FAF1: variants seen among roughly 807,000 people sequenced by gnomAD.
The protein encoded by FAF1 is FAS-associated factor 1.
Under a neutral mutation model 92.5 loss-of-function variants are expected in FAF1, and 25 were observed. The ratio of observed to expected loss-of-function variants is 0.27; its 90% confidence interval spans 0.20 to 0.38. The LOEUF is 0.38. Ranked by LOEUF, FAF1 falls within the 10% of genes least tolerant of loss-of-function variation. The pLI, the probability that FAF1 is intolerant of heterozygous loss-of-function variation, is 1.00. For synonymous variants in FAF1, 234 were observed against 273.2 expected (o/e 0.86, Z 1.42); for missense variants, 636 against 793.3 (o/e 0.80, Z 2.38).
At chr1:50,484,960 T>TG (rs1330089857) in intron 17 of FAF1, among the ~76,000 whole-genome samples, 36 of 58,514 alleles carry the variant, frequency 6.2e-4, no homozygotes, top group African/African-American at 2.4e-3. Context: ...TGTCGTGGGG[T>TG]GGGGGGAGGG....
intron 15 of FAF1, among the ~76,000 whole-genome samples, chr1:50,533,555 A>G (rs540158929): frequency 6.6e-6 from 1 of 152,294 alleles, no homozygotes; most frequent in East Asian, 1.9e-4. Flanking sequence ...TCTCAGTTTA[A>G]TGTAATACAG....
intron 9 of FAF1, among the ~76,000 whole-genome samples, chr1:50,595,261 T>A (rs780753385): frequency 4.0e-5 from 6 of 151,428 alleles, no homozygotes; most frequent in Non-Finnish European, 7.4e-5. Context: ...TCCATGTTGG[T>A]CAGGCTGGTC....
intron 13 of FAF1, among the ~76,000 whole-genome samples, chr1:50,551,300 C>T (rs1649300107): frequency 1.3e-5 from 2 of 152,202 alleles, no homozygotes; most frequent in South Asian, 4.2e-4. Context: ...ATATGGTACA[C>T]AGTTTAATGG....
intron 1 of FAF1, 119 bp downstream of exon 1, chr1:50,959,648 C>T: frequency 4.1e-6 from 3 of 729,464 alleles, no homozygotes; most frequent in Non-Finnish European, 6.8e-6. Flanking sequence ...CGCCACGCAC[C>T]GTATAAAAGC....
chr1:50,959,686 A>T, intron 1 of FAF1, 81 bp downstream of exon 1: 2 of 1,292,620 alleles, frequency 1.5e-6, no homozygotes, highest in Non-Finnish European at 2.2e-6. Flanking sequence ...GCAGCGTTCA[A>T]ACGCTGGGAA....
At chr1:50,754,175 C>T (rs1278397957) in intron 4 of FAF1, among the ~76,000 whole-genome samples, 1 of 152,060 alleles carries the variant, frequency 6.6e-6, no homozygotes, top group Non-Finnish European at 1.5e-5. Context: ...TTATTGGATG[C>T]CTGACATTGT....
In FAF1 at chr1:50,917,697, A is replaced by AGGAAG. The variant is rs774353455; in HGVS notation, c.45+42069_45+42070insCTTCC. Among the ~76,000 whole-genome samples the AGGAAG allele has an allele frequency of 8.3e-3, 1,217 of 146,048 alleles. 10 individuals are homozygous for AGGAAG. The highest frequency in any genetic ancestry group is 0.012 in the Non-Finnish European group (803 of 65,660). ...AGGAAAGGAAAGGAAAGGAAAGGAA[A>AGGAAG]GGAAAAGAAAGAAAACCAACATAGT... On this transcript the variant is annotated intron_variant, in intron 1 of 18. Transcript: ENST00000396153.
intron 5 of FAF1, among the ~76,000 whole-genome samples, chr1:50,740,395 G>T (rs1252250164): frequency 6.6e-6 from 1 of 152,112 alleles, no homozygotes. Flanking sequence ...TCTTACACAA[G>T]CATGGAACAT....
intron 15 of FAF1, among the ~76,000 whole-genome samples, chr1:50,492,965 A>G (rs1646856896): frequency 6.6e-6 from 1 of 152,184 alleles, no homozygotes; most frequent in South Asian, 2.1e-4. Context: ...GTTATACTAC[A>G]AAATATGAAA....
At chr1:50,497,986 G>C (rs1646921485) in intron 15 of FAF1, among the ~76,000 whole-genome samples, 1 of 152,172 alleles carries the variant, frequency 6.6e-6, no homozygotes, top group Non-Finnish European at 1.5e-5. Context: ...AAAGTTGAAA[G>C]AGTCACTTTT....
chr1:50,751,624 G>A (rs1032262997), intron 4 of FAF1, among the ~76,000 whole-genome samples: 4 of 152,182 alleles, frequency 2.6e-5, no homozygotes, highest in Non-Finnish European at 5.9e-5. Context: ...TTACAGGCGT[G>A]AGCCACTGCA....
chr1:50,912,524 G>T (rs973350973), intron 1 of FAF1, among the ~76,000 whole-genome samples: 1 of 152,134 alleles, frequency 6.6e-6, no homozygotes, highest in African/African-American at 2.4e-5. Flanking sequence ...TTAAAAAGAT[G>T]ATTGAATTAT....
At chr1:50,701,680 G>A (rs1657480987) in intron 7 of FAF1, among the ~76,000 whole-genome samples, 1 of 152,052 alleles carries the variant, frequency 6.6e-6, no homozygotes, top group Admixed American at 6.6e-5. Flanking sequence ...TCATTATTTA[G>A]CCCAGATTAT....
At chr1:50,942,441 T>A (rs1372911228) in intron 1 of FAF1, among the ~76,000 whole-genome samples, 1 of 151,842 alleles carries the variant, frequency 6.6e-6, no homozygotes, top group Non-Finnish European at 1.5e-5. Flanking sequence ...CCACACTGTA[T>A]TTTAAGGAAG....
chr1:50,736,451 T>C (rs1037531817), intron 6 of FAF1, among the ~76,000 whole-genome samples: 2 of 152,140 alleles, frequency 1.3e-5, no homozygotes, highest in East Asian at 1.9e-4. Flanking sequence ...TTCTATTATA[T>C]AGTTAAGATG....
intron 2 of FAF1, among the ~76,000 whole-genome samples, chr1:50,857,175 A>G (rs1203269676): frequency 6.6e-6 from 1 of 151,888 alleles, no homozygotes; most frequent in Non-Finnish European, 1.5e-5. Context: ...TAAAGCACAC[A>G]GACACCAAGA....
intron 15 of FAF1, among the ~76,000 whole-genome samples, chr1:50,514,339 C>A (rs959025473): frequency 6.6e-6 from 1 of 152,190 alleles, no homozygotes; most frequent in African/African-American, 2.4e-5. Flanking sequence ...GTTCCACATA[C>A]ATCTGCATTA....
intron 1 of FAF1, among the ~76,000 whole-genome samples, chr1:50,899,290 ATATAGG>A (rs1644778790): frequency 6.6e-6 from 1 of 152,166 alleles, no homozygotes; most frequent in African/African-American, 2.4e-5. Flanking sequence ...AACATATGAA[ATATAGG>A]TATAACTTTT....
At chr1:50,506,559 T>C (rs1001766402) in intron 15 of FAF1, among the ~76,000 whole-genome samples, 2 of 152,220 alleles carry the variant, frequency 1.3e-5, no homozygotes, top group Non-Finnish European at 2.9e-5. Flanking sequence ...TTCACTTCTG[T>C]ACTATATTCA....
Sources: gnomAD v4.1 joint callset for allele counts (sites outside exome capture counted in the v4.1 genomes callset) on GRCh38, gnomAD v4.1.1 for gene constraint, MANE v1.5 for transcripts, NCBI Gene and HGNC (gene_info 2026-07-23, HGNC 2026-07-21) for gene names.